TNR: variants seen among roughly 807,000 people sequenced by gnomAD.
The protein encoded by TNR is tenascin R, also known as tenascin-R.
TNR carries 45 observed loss-of-function variants against 150.4 expected under a neutral mutation model. That is an observed-to-expected ratio of 0.30 (90% CI 0.24 to 0.38). The LOEUF (loss-of-function observed/expected upper bound fraction) is 0.38. Ranked by LOEUF, TNR falls within the 10% of genes least tolerant of loss-of-function variation. The pLI, the probability that TNR is intolerant of heterozygous loss-of-function variation, is 1.00. For missense variants in TNR, 1,544 were observed against 1,759.1 expected (o/e 0.88, Z 2.19); for synonymous variants, 687 against 678.4 (o/e 1.01, Z -0.20).
intron 2 of TNR, among the ~76,000 whole-genome samples, chr1:175,410,488 G>T (rs549684966): frequency 6.6e-6 from 1 of 152,314 alleles, no homozygotes; most frequent in African/African-American, 2.4e-5. Flanking sequence ...AAGGCTGGAG[G>T]AGATGCTAGC....
In TNR at chr1:175,586,332, C is replaced by T. The variant is rs574901458; in HGVS notation, c.-164-57963G>A. Reference sequence around the variant, plus strand: ...TATATTTCATTTTTGTTACTTCTACCCCCTTCTCTTTTCTGGACAACTTTC... The same window carrying T: ...TATATTTCATTTTTGTTACTTCTACTCCCTTCTCTTTTCTGGACAACTTTC... On this transcript the variant is annotated intron_variant, in intron 1 of 22. Transcript: ENST00000367674. 1.1e-4 allele frequency among the ~76,000 whole-genome samples: 16 copies of T among 152,054 alleles called. No homozygotes were observed. In the South Asian group the frequency reaches 3.3e-3, roughly 32 times the overall value.
intron 1 of TNR, among the ~76,000 whole-genome samples, chr1:175,647,060 C>T (rs1246185691): frequency 1.3e-5 from 2 of 152,204 alleles, no homozygotes; most frequent in South Asian, 2.1e-4. Flanking sequence ...CAGAGGAGTT[C>T]GGAGAGCACC....
chr1:175,664,747 T>G (rs902707917), intron 1 of TNR, among the ~76,000 whole-genome samples: 3 of 152,252 alleles, frequency 2.0e-5, no homozygotes, highest in African/African-American at 7.2e-5. Context: ...CCTACTTTTC[T>G]GTTTATTGTA....
intron 9 of TNR, 87 bp downstream of exon 9, chr1:175,379,465 G>A (rs1652565906): frequency 7.9e-7 from 1 of 1,263,448 alleles, no homozygotes; most frequent in Non-Finnish European, 1.1e-6. Context: ...ATTGGCCATG[G>A]GTTTGTAAGA....
At chr1:175,620,433 C>G (rs1000362922) in intron 1 of TNR, among the ~76,000 whole-genome samples, 1 of 152,186 alleles carries the variant, frequency 6.6e-6, no homozygotes, top group Non-Finnish European at 1.5e-5. Flanking sequence ...TAACCTCAAC[C>G]GCCTTTCCCT....
At chr1:175,558,092 A>C (rs1661250618) in intron 1 of TNR, among the ~76,000 whole-genome samples, 1 of 120,056 alleles carries the variant, frequency 8.3e-6, no homozygotes, top group African/African-American at 3.2e-5. Context: ...TGGACACAGG[A>C]AGGGGAATAT....
chr1:175,499,337 ACT>A (rs1453609822), intron 2 of TNR, among the ~76,000 whole-genome samples: 3 of 152,132 alleles, frequency 2.0e-5, no homozygotes, highest in Non-Finnish European at 2.9e-5. Flanking sequence ...GGCCAGCAGA[ACT>A]CTAAGGGCTC....
In TNR at chr1:175,638,457, G is replaced by A. The variant is rs116242111; in HGVS notation, c.-165+104769C>T. On this transcript the variant is annotated intron_variant, in intron 1 of 22. Transcript: ENST00000367674. ...GACTGACTTTCCTTCGGATGGCTTC[G>A]CGGTAAGTGGGCACTCGTGCATATG... is the stretch of plus-strand genomic sequence containing the variant. Among the ~76,000 whole-genome samples the A allele has an allele frequency of 4.0e-3, 607 of 152,284 alleles. 7 individuals carry two copies. Among genetic ancestry groups the A allele is most frequent in the African/African-American group, 0.014 (581 of 41,550 alleles).
At chr1:175,567,718 C>A (rs1189377340) in intron 1 of TNR, among the ~76,000 whole-genome samples, 1 of 152,172 alleles carries the variant, frequency 6.6e-6, no homozygotes, top group Non-Finnish European at 1.5e-5. Flanking sequence ...TGCTCTGGAA[C>A]TCATTTGCCT....
chr1:175,441,267 C>T (rs1161394316), intron 2 of TNR, among the ~76,000 whole-genome samples: 1 of 152,100 alleles, frequency 6.6e-6, no homozygotes, highest in African/African-American at 2.4e-5. Context: ...TGTAATTTCA[C>T]TCTAGTTTTG....
intron 1 of TNR, among the ~76,000 whole-genome samples, chr1:175,735,499 C>A (rs1667747889): frequency 6.6e-6 from 1 of 152,196 alleles, no homozygotes. Context: ...ACAGGCTATC[C>A]ACACAAACGC....
chr1:175,690,733 G>A (rs1206112203), intron 1 of TNR, among the ~76,000 whole-genome samples: 1 of 152,210 alleles, frequency 6.6e-6, no homozygotes, highest in Non-Finnish European at 1.5e-5. Context: ...TGTTCCCTCT[G>A]GCTTTGCGCA....
intron 2 of TNR, among the ~76,000 whole-genome samples, chr1:175,425,585 C>T (rs868538673): frequency 1.1e-4 from 16 of 152,118 alleles, no homozygotes; most frequent in African/African-American, 3.9e-4. Context: ...TCTATGATGT[C>T]AGTTCCTGGA....
At chr1:175,337,750 A>G in intron 18 of TNR, 71 bp from the exon 19 acceptor site, 2 of 1,556,988 alleles carry the variant, frequency 1.3e-6, no homozygotes, top group Non-Finnish European at 1.7e-6. Context: ...CTTGGATCAT[A>G]GAAGGTCTTA....
intron 1 of TNR, among the ~76,000 whole-genome samples, chr1:175,617,750 T>A (rs1011880587): frequency 6.6e-6 from 1 of 152,084 alleles, no homozygotes; most frequent in Non-Finnish European, 1.5e-5. Context: ...TATCAAAGAA[T>A]GTTCCTCACC....
intron 2 of TNR, among the ~76,000 whole-genome samples, chr1:175,413,743 A>G (rs1468331678): frequency 7.9e-5 from 12 of 152,186 alleles, no homozygotes; most frequent in Non-Finnish European, 1.5e-5. Context: ...CATATGCTGA[A>G]ATTCCCAAGA....
At chr1:175,718,298 C>A (rs532307081) in intron 1 of TNR, among the ~76,000 whole-genome samples, 8 of 152,300 alleles carry the variant, frequency 5.3e-5, no homozygotes, top group African/African-American at 1.9e-4. Flanking sequence ...CATTCCCCAG[C>A]CTTCACTCTC....
At chr1:175,419,282 TA>T (rs1185480374) in intron 2 of TNR, among the ~76,000 whole-genome samples, 2 of 152,220 alleles carry the variant, frequency 1.3e-5, no homozygotes, top group Admixed American at 6.5e-5. Flanking sequence ...ATTGGACTTT[TA>T]AATGTGTTCA....
intron 2 of TNR, among the ~76,000 whole-genome samples, chr1:175,443,248 T>C (rs1030515801): frequency 2.0e-5 from 3 of 152,184 alleles, no homozygotes; most frequent in Admixed American, 6.5e-5. Context: ...CAACTAGATA[T>C]TTGTGTCTCA....
Sources: allele counts gnomAD v4.1 joint callset (sites outside exome capture counted in the v4.1 genomes callset), GRCh38; gene constraint gnomAD v4.1.1; transcripts MANE v1.5; gene names NCBI Gene and HGNC (gene_info 2026-07-23, HGNC 2026-07-21).